The following NOM1 variants were observed in gnomAD, a reference collection of about 807,000 sequenced individuals.
The protein encoded by NOM1 is nucleolar protein with MIF4G domain 1.
In NOM1, 58 loss-of-function variants were observed where a neutral mutation model predicts 73.3. The ratio of observed to expected loss-of-function variants is 0.79; its 90% CI spans 0.64 to 0.99. The LOEUF (loss-of-function observed/expected upper bound fraction) is 0.99, where lower values mean the gene tolerates loss of function less well. Among genes scored for constraint, NOM1 ranks in the 50% least tolerant of loss-of-function variants. The probability of loss-of-function intolerance (pLI) is 0.00; values close to 1 mark genes in which losing one functional copy is unlikely to be tolerated. For missense variants in NOM1, 1,226 were observed against 1,131.9 expected, an observed-to-expected ratio of 1.08 and a Z score of -1.19; for synonymous variants, 487 against 446.8, an observed-to-expected ratio of 1.09 and a Z score of -1.14.
intron 3 of NOM1, among the ~76,000 whole-genome samples, chr7:156,956,553 G>A (rs906841587): frequency 6.6e-6 from 1 of 152,198 alleles, no homozygotes; most frequent in African/African-American, 2.4e-5. Context: ...ATAATGTTCT[G>A]ATCCACATTT....
rs112879764 is a variant in NOM1, at chr7:156,951,817, C to T, written c.988-657C>T. On this transcript the variant is annotated intron_variant, in intron 1 of 10. Coordinates refer to ENST00000275820, the MANE Select transcript of NOM1 (RefSeq NM_138400.2). Reference sequence around the variant, plus strand: ...CCGCCTCCCAGGTTCATGCCATTCTCCTGCCTCATCTCCCAAGTAGCTGGG... The same window carrying T: ...CCGCCTCCCAGGTTCATGCCATTCTTCTGCCTCATCTCCCAAGTAGCTGGG... 1.3e-3 allele frequency among the ~76,000 whole-genome samples: 202 copies of T among 152,092 alleles called. 2 individuals carry two copies. The highest frequency in any genetic ancestry group is 4.4e-3 in the African/African-American group (183 of 41,486).
In NOM1 at chr7:156,950,332, A is replaced by G. The variant is rs1029026328; in HGVS notation, c.595A>G (p.Lys199Glu). ...LERCLGLNKR[K>E]KKDGSSSVPL... The stretch of plus-strand genomic sequence containing the variant: ...GCGTTGCCTCGGTTTGAACAAGCGC[A>G]AAAAGAAGGACGGCAGCAGCTCCGT... The change falls in exon 1 of 11, where the codon AAA (lysine) becomes GAA (glutamate). Residue 199 changes from lysine to glutamate, a missense_variant. Coordinates refer to ENST00000275820, the MANE Select transcript of NOM1 (RefSeq NM_138400.2). The G allele has an allele frequency of 1.9e-6, 3 of 1,613,654 alleles. No homozygotes were observed. The highest frequency in any genetic ancestry group is 1.7e-5 in the Admixed American group (1 of 60,000).
chr7:156,957,774 C>CAAAAAAAAAAAAA (rs10549596), intron 3 of NOM1, among the ~76,000 whole-genome samples: 2 of 115,542 alleles, frequency 1.7e-5, no homozygotes, highest in Non-Finnish European at 3.5e-5. Flanking sequence ...GACTCCGTCT[C>CAAAAAAAAAAAAA]AAAAAAAAAA....
At position 156,950,092 on chromosome 7, in the gene NOM1, G is replaced by A; in HGVS notation, c.355G>A (p.Ala119Thr). 1 of 1,547,258 alleles carries A rather than the reference G, an allele frequency of 6.5e-7. No individual in the cohort carries two copies. The highest frequency in any genetic ancestry group is 8.7e-7 in the Non-Finnish European group (1 of 1,148,426). The change falls in exon 1 of 11, where the codon GCC becomes ACC. Residue 119 changes from alanine (A) to threonine (T), a missense_variant. Coordinates refer to ENST00000275820, the MANE Select transcript of NOM1 (RefSeq NM_138400.2). ...GGGAGGCCGAAGCGGAGCCGAAGAA[G>A]CCAGCGGTCACCGGCAGGACACGGA... ...GLGGRSGAEE[A>T]SGHRQDTEER...
At position 156,960,094 on chromosome 7, in the gene NOM1, G is replaced by A. The variant is rs1402908841; in HGVS notation, c.1552G>A (p.Ala518Thr). The A allele has an allele frequency of 3.1e-6, 5 of 1,614,020 alleles. No individual in the cohort carries two copies. The highest frequency in any genetic ancestry group is 2.7e-5 in the African/African-American group (2 of 74,914). The change falls in exon 4 of 11, where the codon GCT becomes ACT. Residue 518 changes from alanine to threonine, a missense_variant. Coordinates refer to ENST00000275820, the MANE Select transcript of NOM1 (RefSeq NM_138400.2). ...GGGTTTTTCATTGAGGAAAGATGAT[G>A]CTTTATCACTTAAGGAATTGATCAC... ...NVGFSLRKDD[A>T]LSLKELITEA...
At chr7:156,957,762 G>A (rs1295374740) in intron 3 of NOM1, among the ~76,000 whole-genome samples, 1 of 124,700 alleles carries the variant, frequency 8.0e-6, no homozygotes, top group African/African-American at 3.1e-5. Context: ...GCGACAGAGC[G>A]AGACTCCGTC....
chr7:156,954,697 G>A (rs899518048), intron 3 of NOM1, among the ~76,000 whole-genome samples: 21 of 151,894 alleles, frequency 1.4e-4, no homozygotes, highest in Non-Finnish European at 2.2e-4. Context: ...AGCAGAAGTG[G>A]AGTCTCACTC....
intron 3 of NOM1, among the ~76,000 whole-genome samples, chr7:156,957,160 T>A (rs1804744234): frequency 6.6e-6 from 1 of 152,236 alleles, no homozygotes; most frequent in Admixed American, 6.5e-5. Flanking sequence ...CAGAAACTTC[T>A]GCCAGCGTGT....
chr7:156,962,207 T>C lies in NOM1; in HGVS notation c.1689T>C (p.Ile563=). The C allele has an allele frequency of 6.2e-7, 1 of 1,614,140 alleles. No individual in the cohort carries two copies. Among genetic ancestry groups the C allele is most frequent in the Non-Finnish European group, 8.5e-7 (1 of 1,180,014 alleles). The change falls in exon 5 of 11, where the codon ATT becomes ATC. Residue 563 remains isoleucine, a synonymous_variant. Transcript: ENST00000275820. ...LALKNNDMRK[I]PGYDPEPVEK... Reference sequence around the variant, plus strand: ...TGAAGAACAATGACATGCGCAAAATTCCAGGCTATGACCCCGAGCCCGTGG... The same window carrying C: ...TGAAGAACAATGACATGCGCAAAATCCCAGGCTATGACCCCGAGCCCGTGG...
intron 5 of NOM1, 145 bp from the exon 6 acceptor site, chr7:156,962,863 C>A: frequency 1.1e-6 from 1 of 872,718 alleles, no homozygotes; most frequent in Non-Finnish European, 1.7e-6. Context: ...TTTTTCCAAA[C>A]AGGCTAACCG....
rs1225223443 is a variant in NOM1 at position 156,954,322 on chromosome 7, G to A, written c.1308+24G>A. ...AGGTACAGTTGTACCTTTTCTCCAG[G>A]CTGTCACTAGTGTCTCATGGTGATT... On this transcript the variant is annotated intron_variant, in intron 3 of 10. Coordinates refer to ENST00000275820, the MANE Select transcript of NOM1 (RefSeq NM_138400.2). The A allele has an allele frequency of 3.2e-6, 5 of 1,550,222 alleles. No individual in the cohort carries two copies. In the African/African-American group the frequency reaches 6.9e-5, roughly 21 times the overall value.
At position 156,955,014 on chromosome 7, in the gene NOM1, T is replaced by A. The variant is rs140458151; in HGVS notation, c.1308+716T>A. 2.4e-4 allele frequency among the ~76,000 whole-genome samples: 36 copies of A among 152,324 alleles called. 1 individual carries two copies. Among genetic ancestry groups the A allele is most frequent in the African/African-American group, 8.2e-4 (34 of 41,568 alleles). On this transcript the variant is annotated intron_variant, in intron 3 of 10. Coordinates refer to ENST00000275820, the MANE Select transcript of NOM1 (RefSeq NM_138400.2). ...ACTGGGGCATGGAACTGCCTGGACA[T>A]GTTCAGGGAGACCTGGTGCCCTTTC...
intron 9 of NOM1, among the ~76,000 whole-genome samples, chr7:156,967,778 C>G (rs1035507058): frequency 6.6e-6 from 1 of 152,192 alleles, no homozygotes; most frequent in Non-Finnish European, 1.5e-5. Flanking sequence ...CCTCCTCAGC[C>G]TCCCAAAGTG....
At chr7:156,957,466 G>T (rs1306011752) in intron 3 of NOM1, among the ~76,000 whole-genome samples, 1 of 152,144 alleles carries the variant, frequency 6.6e-6, no homozygotes, top group Non-Finnish European at 1.5e-5. Flanking sequence ...GAGAAATTTT[G>T]ATGTAATATA....
intron 10 of NOM1, 144 bp from the exon 11 acceptor site, chr7:156,969,382 TTAA>T (rs973710565): frequency 1.7e-5 from 13 of 781,034 alleles, no homozygotes; most frequent in African/African-American, 1.2e-4. Context: ...ACAATGATTG[TTAA>T]TAATAAAATA....
rs10549596 is a variant in NOM1 at position 156,957,774 on chromosome 7, C to CAA, written c.1309-2052_1309-2051dup. On this transcript the variant is annotated intron_variant, in intron 3 of 10. Transcript: ENST00000275820. The stretch of plus-strand genomic sequence containing the variant: ...TGGGCGACAGAGCGAGACTCCGTCT[C>CAA]AAAAAAAAAAAAAAAAAAAAAAAAA... Among the ~76,000 whole-genome samples, 567 of 115,436 alleles carry CAA rather than the reference C, an allele frequency of 4.9e-3. 28 individuals carry two copies. Among genetic ancestry groups the CAA allele is most frequent in the African/African-American group, 0.014 (428 of 30,076 alleles). The allele number at this position is 115,436 out of a possible 152,430, so 75.7% of individuals were successfully genotyped here. A position where few individuals can be genotyped will look rare whatever the true frequency, so the allele number is the denominator to read the frequency against.
At chr7:156,956,312 T>C (rs950556334) in intron 3 of NOM1, among the ~76,000 whole-genome samples, 1 of 152,168 alleles carries the variant, frequency 6.6e-6, no homozygotes. Context: ...AAACATGCTG[T>C]AACGCGCACG....
chr7:156,968,814 G>A, intron 9 of NOM1: 2 of 311,120 alleles, frequency 6.4e-6, no homozygotes, highest in Middle Eastern at 1.0e-3. Flanking sequence ...TGATTCATAA[G>A]GTGTATGACC....
At chr7:156,957,835 T>TAAA (rs1004227125) in intron 3 of NOM1, among the ~76,000 whole-genome samples, 6 of 147,632 alleles carry the variant, frequency 4.1e-5, no homozygotes, top group Non-Finnish European at 6.1e-5. Context: ...GTTTTATGCC[T>TAAA]AAATTTTTAT....
Sources: allele counts gnomAD v4.1 joint callset (sites outside exome capture counted in the v4.1 genomes callset), GRCh38; gene constraint gnomAD v4.1.1; transcripts MANE v1.5; gene names NCBI Gene and HGNC (gene_info 2026-07-23, HGNC 2026-07-21).